Variants in NAA15 observed in about 807,000 individuals in gnomAD.
NAA15 encodes the protein N-terminal acetyltransferase.
Under a neutral mutation model 114.0 loss-of-function variants are expected in NAA15, and 34 were observed. The observed-to-expected ratio is 0.30, with a 90% CI of 0.23 to 0.40. NAA15 has a LOEUF of 0.40. Among genes scored for constraint, NAA15 ranks in the 10% least tolerant of loss-of-function variants. The pLI, the probability that NAA15 is intolerant of heterozygous loss-of-function variation, is 1.00. For missense variants in NAA15, 658 were observed against 1,004.5 expected, an observed-to-expected ratio of 0.66 and a Z score of 4.66; for synonymous variants, 340 against 338.0, an observed-to-expected ratio of 1.01 and a Z score of -0.06.
intron 1 of NAA15, among the ~76,000 whole-genome samples, chr4:139,333,440 T>A (rs976484742): frequency 1.3e-5 from 2 of 152,208 alleles, no homozygotes; most frequent in African/African-American, 4.8e-5. Context: ...GACCTTTTTT[T>A]TTTATTTTCA....
chr4:139,301,668 C>A lies in NAA15; in HGVS notation c.-110C>A, dbSNP rs537112516. 1 of 1,278,704 alleles carries A rather than the reference C, an allele frequency of 7.8e-7. No homozygotes were observed. Among genetic ancestry groups the A allele is most frequent in the Non-Finnish European group, 1.1e-6 (1 of 925,622 alleles). 79.2% of individuals were successfully genotyped at this position (1,278,704 alleles called of 1,614,324 possible). On this transcript the variant is annotated 5_prime_UTR_variant, in exon 1 of 20. Coordinates refer to ENST00000296543, the MANE Select transcript of NAA15 (RefSeq NM_057175.5). ...GACACCCGAGGCCTGGTGGTGGCGG[C>A]GGATCGAGATATTCAAGGCTGAAGC... is the stretch of plus-strand genomic sequence containing the variant.
In NAA15 at chr4:139,304,758, C is replaced by T. The variant is rs1460665468; in HGVS notation, c.54+2927C>T. Reference sequence around the variant, plus strand: ...ATCCCATGTATAGATTGCACCACTACAATTAGGCTACAGAACAAGTTCCTT... The same window carrying T: ...ATCCCATGTATAGATTGCACCACTATAATTAGGCTACAGAACAAGTTCCTT... On this transcript the variant is annotated intron_variant, in intron 1 of 19. Coordinates refer to ENST00000296543, the MANE Select transcript of NAA15 (RefSeq NM_057175.5). 3.3e-5 allele frequency among the ~76,000 whole-genome samples: 5 copies of T among 152,170 alleles called. No individual in the cohort carries two copies. The East Asian group carries it at 9.6e-4, about 29-fold the overall frequency.
intron 15 of NAA15, among the ~76,000 whole-genome samples, chr4:139,375,383 T>C (rs1748553060): frequency 6.6e-6 from 1 of 152,216 alleles, no homozygotes; most frequent in Admixed American, 6.5e-5. Context: ...TTTATTGTCC[T>C]GTAAGGCCTT....
intron 17 of NAA15, among the ~76,000 whole-genome samples, chr4:139,381,145 C>T (rs1024870020): frequency 6.6e-6 from 1 of 152,118 alleles, no homozygotes; most frequent in African/African-American, 2.4e-5. Context: ...GTTATACTAA[C>T]AATGTTATTA....
intron 10 of NAA15, among the ~76,000 whole-genome samples, chr4:139,355,858 CTG>C (rs1455530622): frequency 1.3e-5 from 2 of 152,138 alleles, no homozygotes; most frequent in African/African-American, 4.8e-5. Context: ...ATGTTAGCAA[CTG>C]TTAAGAATTA....
In NAA15 at chr4:139,351,622, A is replaced by G. The variant is rs1213635833; in HGVS notation, c.1014+11A>G. Reference sequence around the variant, plus strand: ...AAAGACAAAGAAAAGGTAAAGTGAAATATGATACTTTCTTTTGGCTACCAT... The same window carrying G: ...AAAGACAAAGAAAAGGTAAAGTGAAGTATGATACTTTCTTTTGGCTACCAT... On this transcript the variant is annotated intron_variant, in intron 9 of 19. Coordinates refer to ENST00000296543, the MANE Select transcript of NAA15 (RefSeq NM_057175.5). The G allele has an allele frequency of 1.5e-6, 2 of 1,310,408 alleles. No homozygotes were observed. Among genetic ancestry groups the G allele is most frequent in the Non-Finnish European group, 2.2e-6 (2 of 907,616 alleles). 81.2% of individuals were successfully genotyped at this position (1,310,408 alleles called of 1,614,324 possible).
At chr4:139,349,645 C>A (rs1170087341) in intron 7 of NAA15, 64 bp downstream of exon 7, 2 of 1,431,076 alleles carry the variant, frequency 1.4e-6, no homozygotes, top group Non-Finnish European at 1.9e-6. Flanking sequence ...TTTATTTACT[C>A]ATTGAAAAGC....
chr4:139,387,032 C>T (rs980108912), intron 19 of NAA15, among the ~76,000 whole-genome samples: 5 of 152,066 alleles, frequency 3.3e-5, no homozygotes, highest in African/African-American at 1.2e-4. Flanking sequence ...TAAATATATT[C>T]ATTTAATAGC....
intron 1 of NAA15, among the ~76,000 whole-genome samples, chr4:139,318,801 C>T (rs1454130000): frequency 1.3e-5 from 2 of 151,832 alleles, no homozygotes; most frequent in Non-Finnish European, 2.9e-5. Flanking sequence ...TTGCAGTGAG[C>T]CAAGATCGCG....
At chr4:139,305,801 T>C (rs750831236) in intron 1 of NAA15, among the ~76,000 whole-genome samples, 1 of 152,226 alleles carries the variant, frequency 6.6e-6, no homozygotes. Flanking sequence ...CCCAGAATGC[T>C]GGGATTACAG....
intron 17 of NAA15, among the ~76,000 whole-genome samples, chr4:139,383,320 G>C (rs1408373954): frequency 6.6e-6 from 1 of 152,130 alleles, no homozygotes; most frequent in Non-Finnish European, 1.5e-5. Context: ...ATCCAAGCCT[G>C]GATCCATACC....
At chr4:139,340,640 T>C (rs1017110180) in intron 3 of NAA15, among the ~76,000 whole-genome samples, 2 of 152,238 alleles carry the variant, frequency 1.3e-5, no homozygotes, top group Admixed American at 1.3e-4. Context: ...TTTGTTTACA[T>C]TTTAGTAATG....
At chr4:139,325,958 T>C (rs1210725511) in intron 1 of NAA15, among the ~76,000 whole-genome samples, 5 of 152,212 alleles carry the variant, frequency 3.3e-5, no homozygotes, top group Non-Finnish European at 7.3e-5. Context: ...TTGAATTATA[T>C]TTGTATAGGT....
intron 2 of NAA15, among the ~76,000 whole-genome samples, chr4:139,336,034 C>A (rs1451017288): frequency 6.6e-6 from 1 of 152,160 alleles, no homozygotes; most frequent in African/African-American, 2.4e-5. Context: ...CTTGAGATTA[C>A]AGGTGTGAGG....
At chr4:139,306,573 GCTGGTTTTTTTTTTTTTGGT>G (rs1579077944) in intron 1 of NAA15, among the ~76,000 whole-genome samples, 1 of 150,832 alleles carries the variant, frequency 6.6e-6, no homozygotes, top group East Asian at 1.9e-4. Context: ...TTTGCCAGAA[GCTGGTTTTTTTTTTTTTGGT>G]CTGGTTTTTT....
chr4:139,371,170 A>C (rs1178716592), intron 15 of NAA15, among the ~76,000 whole-genome samples: 1 of 152,206 alleles, frequency 6.6e-6, no homozygotes, highest in African/African-American at 2.4e-5. Context: ...TAGTAAGGAA[A>C]GGCTCAAAAT....
At chr4:139,360,713 C>A (rs1748106769) in intron 13 of NAA15, 85 bp downstream of exon 13, 9 of 1,218,890 alleles carry the variant, frequency 7.4e-6, no homozygotes, top group Non-Finnish European at 9.8e-6. Context: ...TCTTCTATTT[C>A]TTTATAATTC....
intron 9 of NAA15, 28 bp downstream of exon 9, chr4:139,351,639 G>A: frequency 1.7e-6 from 2 of 1,150,158 alleles, no homozygotes; most frequent in Non-Finnish European, 2.6e-6. Flanking sequence ...ACTTTCTTTT[G>A]GCTACCATTT....
chr4:139,331,540 A>G (rs1204212715), intron 1 of NAA15, among the ~76,000 whole-genome samples: 1 of 149,564 alleles, frequency 6.7e-6, no homozygotes, highest in African/African-American at 2.5e-5. Context: ...TCCGCCTCCC[A>G]GCTTCCAGTG....
Sources: gnomAD v4.1 joint callset for allele counts (sites outside exome capture counted in the v4.1 genomes callset) on GRCh38, gnomAD v4.1.1 for gene constraint, MANE v1.5 for transcripts, NCBI Gene and HGNC (gene_info 2026-07-23, HGNC 2026-07-21) for gene names.